MAST4: variants seen among roughly 807,000 people sequenced by gnomAD.
MAST4 encodes microtubule associated serine/threonine kinase family member 4.
A neutral mutation model predicts 162.7 loss-of-function variants in MAST4; 89 were observed. The observed-to-expected ratio is 0.55, with a 90% CI of 0.46 to 0.65. MAST4 has a LOEUF of 0.65. Ranked by LOEUF, MAST4 falls within the 30% of genes least tolerant of loss-of-function variation. The pLI, the probability that MAST4 is intolerant of heterozygous loss-of-function variation, is 0.00. For synonymous variants in MAST4, 1,479 were observed against 1,361.1 expected (o/e 1.09, Z -1.91); for missense variants, 3,153 against 3,374.0 (o/e 0.93, Z 1.62).
At chr5:66,660,042 T>C (rs139119483) in intron 1 of MAST4, among the ~76,000 whole-genome samples, 9 of 152,074 alleles carry the variant, frequency 5.9e-5, no homozygotes, top group African/African-American at 1.9e-4. Flanking sequence ...CTGGGTGTCT[T>C]AGGATGAGTA....
intron 14 of MAST4, 92 bp downstream of exon 14, chr5:67,121,194 G>A: frequency 3.9e-6 from 4 of 1,016,304 alleles, no homozygotes; most frequent in Non-Finnish European, 5.8e-6. Flanking sequence ...AATAGAAGCT[G>A]TATAGGGACT....
chr5:66,924,625 C>T (rs1764763254), intron 4 of MAST4, among the ~76,000 whole-genome samples: 1 of 152,054 alleles, frequency 6.6e-6, no homozygotes. Flanking sequence ...GATCTCCTGA[C>T]CTCGTGATCC....
chr5:66,909,570 T>G (rs193234181), intron 4 of MAST4, among the ~76,000 whole-genome samples: 1 of 152,332 alleles, frequency 6.6e-6, no homozygotes, highest in East Asian at 1.9e-4. Flanking sequence ...GAGGCTTGCT[T>G]GTGCTCAGGG....
At chr5:66,913,515 G>A (rs79879848) in intron 4 of MAST4, among the ~76,000 whole-genome samples, 1,823 of 152,198 alleles carry the variant, frequency 0.012, 37 homozygotes, top group African/African-American at 0.042. Flanking sequence ...AGTTTCATTA[G>A]TCTCTTGCCA....
At chr5:67,153,642 C>T in intron 26 of MAST4, 62 bp downstream of exon 26, 2 of 1,446,674 alleles carry the variant, frequency 1.4e-6, no homozygotes, top group East Asian at 2.6e-5. Context: ...GGGCTAGTAC[C>T]AGGAGATTGA....
chr5:66,648,073 T>A (rs1388578381), intron 1 of MAST4, among the ~76,000 whole-genome samples: 10 of 94,794 alleles, frequency 1.1e-4, no homozygotes, highest in African/African-American at 4.2e-4. Flanking sequence ...TGTGTGTGTG[T>A]GTGTGTGTGT....
In MAST4 at chr5:67,005,470, G is replaced by C. The variant is rs974437161; in HGVS notation, c.675-48934G>C. Among the ~76,000 whole-genome samples, 5 of 152,162 alleles carry C rather than the reference G, an allele frequency of 3.3e-5. No individual in the cohort carries two copies. The East Asian group carries it at 9.6e-4, about 29-fold the overall frequency. On this transcript the variant is annotated intron_variant, in intron 4 of 28. Coordinates refer to ENST00000403625, the MANE Select transcript of MAST4 (RefSeq NM_001164664.2). ...CTGGTACTTTTCGTTGAGCCCTTCAGATGTTCCTCTCTATTAAATATTTGA... is the reference window on the plus strand; with the variant it reads ...CTGGTACTTTTCGTTGAGCCCTTCACATGTTCCTCTCTATTAAATATTTGA...
chr5:66,981,455 T>C (rs956717234), intron 4 of MAST4, among the ~76,000 whole-genome samples: 13 of 152,154 alleles, frequency 8.5e-5, no homozygotes, highest in Non-Finnish European at 1.5e-5. Flanking sequence ...GGCTGAAAAC[T>C]GTATAATCAA....
chr5:66,604,669 T>G (rs546320954), intron 1 of MAST4, among the ~76,000 whole-genome samples: 1 of 152,322 alleles, frequency 6.6e-6, no homozygotes, highest in South Asian at 2.1e-4. Context: ...TAGCTCCTTT[T>G]TTTGATAAGC....
At chr5:66,692,031 C>G (rs1301611043) in intron 1 of MAST4, among the ~76,000 whole-genome samples, 1 of 152,118 alleles carries the variant, frequency 6.6e-6, no homozygotes, top group African/African-American at 2.4e-5. Context: ...TATAAAATGT[C>G]TCTAGTGAAA....
At chr5:66,621,321 G>T (rs1371751382) in intron 1 of MAST4, among the ~76,000 whole-genome samples, 1 of 152,166 alleles carries the variant, frequency 6.6e-6, no homozygotes, top group African/African-American at 2.4e-5. Flanking sequence ...TTGTAGTGAG[G>T]TTCTGGAATT....
intron 4 of MAST4, among the ~76,000 whole-genome samples, chr5:66,989,011 ATT>A (rs1451227847): frequency 1.3e-5 from 2 of 152,176 alleles, no homozygotes; most frequent in African/African-American, 2.4e-5. Context: ...AATAATTTCT[ATT>A]TTAGATCTTT....
intron 1 of MAST4, among the ~76,000 whole-genome samples, chr5:66,753,118 A>C (rs1380705024): frequency 3.9e-5 from 6 of 152,082 alleles, no homozygotes; most frequent in African/African-American, 1.4e-4. Context: ...ACAAAGACAC[A>C]ACATACCAGA....
chr5:67,103,201 C>T (rs538451830), intron 9 of MAST4, among the ~76,000 whole-genome samples: 47 of 152,298 alleles, frequency 3.1e-4, no homozygotes, highest in African/African-American at 1.1e-3. Context: ...GCTGCAAGGA[C>T]CTGCTCTCAG....
rs76093410 is a variant in MAST4 at position 66,815,639 on chromosome 5, G to C, written c.642+26845G>C. ...TTAAAAAATTCTTCTTTCTGGTAAA[G>C]CATTCAGATTTTATTTTATTTTTCC... On this transcript the variant is annotated intron_variant, in intron 3 of 28. Transcript: ENST00000403625. 4.9e-3 allele frequency among the ~76,000 whole-genome samples: 747 copies of C among 152,258 alleles called. 9 individuals are homozygous for C. The highest frequency in any genetic ancestry group is 0.017 in the African/African-American group (725 of 41,542).
chr5:66,759,300 A>G (rs184256689), intron 1 of MAST4, among the ~76,000 whole-genome samples: 1 of 152,360 alleles, frequency 6.6e-6, no homozygotes, highest in East Asian at 1.9e-4. Context: ...ACAGAAAGAC[A>G]TGTTTTATAT....
chr5:66,902,896 G>C (rs180698955), intron 4 of MAST4, among the ~76,000 whole-genome samples: 1 of 152,010 alleles, frequency 6.6e-6, no homozygotes. Flanking sequence ...TGGAACTAAA[G>C]TTATCACATT....
intron 3 of MAST4, among the ~76,000 whole-genome samples, chr5:66,864,954 T>C (rs1039455512): frequency 1.3e-5 from 2 of 149,776 alleles, no homozygotes; most frequent in South Asian, 4.3e-4. Flanking sequence ...TAATATATTA[T>C]GAAGTTAAAA....
chr5:67,153,459 A>T lies in MAST4; in HGVS notation c.3527A>T (p.Asn1176Ile). The change falls in exon 26 of 29, where the codon AAT becomes ATT. Residue 1176 changes from asparagine (N) to isoleucine (I), a missense_variant and splice_region_variant. Asn to Ile is a moderately radical substitution (Grantham distance 149). Coordinates refer to ENST00000403625, the MANE Select transcript of MAST4 (RefSeq NM_001164664.2). ...DIYTVHHIVW[N>I]VEEGSPACQA... ...ATATCCTCTCCTCTTGGACTTTAGA[A>T]TGTAGAAGAAGGAAGTCCGGCATGC... 6.2e-7 allele frequency: 1 copy of T among 1,603,348 alleles called. No homozygotes were observed. Among genetic ancestry groups the T allele is most frequent in the Non-Finnish European group, 8.5e-7 (1 of 1,174,678 alleles).
Sources: gnomAD v4.1 joint callset for allele counts (sites outside exome capture counted in the v4.1 genomes callset) on GRCh38, gnomAD v4.1.1 for gene constraint, MANE v1.5 for transcripts, NCBI Gene and HGNC (gene_info 2026-07-23, HGNC 2026-07-21) for gene names.